ARSG: variants seen among roughly 807,000 people sequenced by gnomAD.
The protein encoded by ARSG is ASG.
Under a neutral mutation model 50.5 loss-of-function variants are expected in ARSG, and 37 were observed. That is an observed-to-expected ratio of 0.73 (90% confidence interval 0.56 to 0.96). The LOEUF (loss-of-function observed/expected upper bound fraction) is 0.96. ARSG is among the 50% of genes least tolerant of loss of function. The pLI, the probability that ARSG is intolerant of heterozygous loss-of-function variation, is 0.00. For synonymous variants in ARSG, 225 were observed against 254.6 expected, an observed-to-expected ratio of 0.88 and a Z score of 1.11; for missense variants, 629 against 675.3, an observed-to-expected ratio of 0.93 and a Z score of 0.76.
At chr17:68,357,099 G>A (rs1306641133) in intron 6 of ARSG, among the ~76,000 whole-genome samples, 1 of 152,162 alleles carries the variant, frequency 6.6e-6, no homozygotes, top group East Asian at 1.9e-4. Context: ...TCTAGGGTAC[G>A]AGCTCCTCAA....
chr17:68,426,244 GGGA>G, downstream of ARSG: 8 of 985,740 alleles, frequency 8.1e-6, no homozygotes, highest in Admixed American at 4.3e-5. Context: ...CTGGCGGGTG[GGGA>G]GCGGGGGCTC....
chr17:68,441,827 C>T, the ARSG span, among the ~76,000 whole-genome samples: 11 of 152,170 alleles, frequency 7.2e-5, no homozygotes, highest in African/African-American at 9.7e-5. Context: ...TAATTATAAA[C>T]GTGAGCATTT....
chr17:68,415,056 C>G (rs931258148), intron 11 of ARSG, among the ~76,000 whole-genome samples: 3 of 151,358 alleles, frequency 2.0e-5, no homozygotes, highest in Non-Finnish European at 4.4e-5. Context: ...TGGTTATTTC[C>G]TTTTGTCTGC....
At chr17:68,339,263 A>G (rs979248968) in intron 2 of ARSG, among the ~76,000 whole-genome samples, 1 of 152,128 alleles carries the variant, frequency 6.6e-6, no homozygotes, top group African/African-American at 2.4e-5. Flanking sequence ...GCACCACTGC[A>G]CTCCAGCCTG....
intron 2 of ARSG, among the ~76,000 whole-genome samples, chr17:68,311,208 T>C (rs1225196695): frequency 1.3e-5 from 2 of 152,126 alleles, no homozygotes; most frequent in Non-Finnish European, 2.9e-5. Flanking sequence ...TCTCCACTCT[T>C]CTCTCTTGCA....
intron 8 of ARSG, among the ~76,000 whole-genome samples, chr17:68,379,250 A>G (rs2080304544): frequency 6.6e-6 from 1 of 151,492 alleles, no homozygotes; most frequent in Non-Finnish European, 1.5e-5. Context: ...TCTTTATTTT[A>G]TTTTTGTAGA....
chr17:68,388,692 C>T (rs1173740023), intron 9 of ARSG, among the ~76,000 whole-genome samples: 1 of 151,966 alleles, frequency 6.6e-6, no homozygotes, highest in Admixed American at 6.6e-5. Context: ...TTTGGGAGGC[C>T]GAGGCGGGCG....
At chr17:68,320,032 A>G (rs1297400439) in intron 2 of ARSG, among the ~76,000 whole-genome samples, 4 of 151,542 alleles carry the variant, frequency 2.6e-5, no homozygotes, top group Admixed American at 1.3e-4. Flanking sequence ...GACGCCTGTA[A>G]TCCAAACACT....
At chr17:68,449,851 A>G in the ARSG span, among the ~76,000 whole-genome samples, 2 of 152,184 alleles carry the variant, frequency 1.3e-5, no homozygotes, top group Admixed American at 1.3e-4. Context: ...ATATAAAAAA[A>G]TACAGAAAAA....
At chr17:68,369,876 A>G (rs925562506) in intron 7 of ARSG, among the ~76,000 whole-genome samples, 5 of 152,186 alleles carry the variant, frequency 3.3e-5, no homozygotes, top group African/African-American at 1.2e-4. Flanking sequence ...AGAGGAGGAA[A>G]GGCAAGGAAG....
intron 7 of ARSG, among the ~76,000 whole-genome samples, chr17:68,370,181 A>G (rs191142423): frequency 7.2e-5 from 11 of 151,920 alleles, no homozygotes; most frequent in Admixed American, 2.6e-4. Context: ...TGCCCGGCTA[A>G]TTTTTGTATT....
In ARSG at chr17:68,370,344, C is replaced by T; in HGVS notation, c.902-100C>T. The T allele has an allele frequency of 4.0e-6, 4 of 1,009,154 alleles. No homozygotes were observed. The Admixed American group carries it at 7.1e-5, about 18-fold the overall frequency. The allele number at this position is 1,009,154 out of a possible 1,614,324, so 62.5% of individuals were successfully genotyped here. ...TTGTCTTTATAAGTCCTTTTTCTAT[C>T]TAGTTCCTGCTCTGCGCAAGGGATA... On this transcript the variant is annotated intron_variant, in intron 7 of 11. Transcript: ENST00000621439.
At chr17:68,443,465 G>A in the ARSG span, among the ~76,000 whole-genome samples, 4 of 152,172 alleles carry the variant, frequency 2.6e-5, no homozygotes, top group Admixed American at 6.5e-5. Context: ...TGAAAGCACT[G>A]AAATCAACAG....
intron 2 of ARSG, among the ~76,000 whole-genome samples, chr17:68,342,642 G>A (rs1291024882): frequency 6.6e-6 from 1 of 152,126 alleles, no homozygotes; most frequent in East Asian, 1.9e-4. Context: ...TTACAGGCGT[G>A]AGCCACCGCA....
intron 1 of ARSG, among the ~76,000 whole-genome samples, chr17:68,297,200 A>G (rs1555758634): frequency 1.3e-5 from 2 of 152,266 alleles, no homozygotes; most frequent in African/African-American, 4.8e-5. Flanking sequence ...TTCCATTTTC[A>G]ATTAACATCA....
rs1005133472 is a variant in ARSG at position 68,381,212 on chromosome 17, G to A, written c.983-3852G>A. On this transcript the variant is annotated intron_variant, in intron 8 of 11. Coordinates refer to ENST00000621439, the MANE Select transcript of ARSG (RefSeq NM_001267727.2). The surrounding 1 kb of genome is among the most constrained non-coding windows in gnomAD (Gnocchi z 4.1). ...GCGTGGGCAGTGGTGAGTCTTCCCCGGCCTGCCCCTGTCTTCATGCATCAT... is the reference window on the plus strand; with the variant it reads ...GCGTGGGCAGTGGTGAGTCTTCCCCAGCCTGCCCCTGTCTTCATGCATCAT... 7.9e-5 allele frequency among the ~76,000 whole-genome samples: 12 copies of A among 152,024 alleles called. No homozygotes were observed. Among genetic ancestry groups the A allele is most frequent in the South Asian group, 2.1e-4 (1 of 4,812 alleles).
At chr17:68,345,948 C>T (rs1349588765) in intron 3 of ARSG, among the ~76,000 whole-genome samples, 1 of 151,996 alleles carries the variant, frequency 6.6e-6, no homozygotes, top group Non-Finnish European at 1.5e-5. Flanking sequence ...CAATCTCTGC[C>T]CACTGCAACC....
chr17:68,389,158 T>C (rs2080874117), intron 9 of ARSG, among the ~76,000 whole-genome samples: 1 of 152,120 alleles, frequency 6.6e-6, no homozygotes, highest in African/African-American at 2.4e-5. Flanking sequence ...TAACCACATG[T>C]CGCCTTTCCA....
downstream of ARSG, chr17:68,426,253 G>T: frequency 2.4e-6 from 2 of 841,012 alleles, no homozygotes. Context: ...GGGGAGCGGG[G>T]GCTCAAATAA....
Sources: gnomAD v4.1 joint callset for allele counts (sites outside exome capture counted in the v4.1 genomes callset) on GRCh38, gnomAD v4.1.1 for gene constraint, Gnocchi (gnomAD v3.1) non-coding constraint, MANE v1.5 for transcripts, NCBI Gene and HGNC (gene_info 2026-07-23, HGNC 2026-07-21) for gene names.